ELAPOR1: variants seen among roughly 807,000 people sequenced by gnomAD.
ELAPOR1 encodes endosome/lysosome-associated apoptosis and autophagy regulator 1.
A neutral mutation model predicts 119.7 loss-of-function variants in ELAPOR1; 77 were observed. That is an observed-to-expected ratio of 0.64 (90% CI 0.54 to 0.78). The LOEUF is 0.78. Ranked by LOEUF, ELAPOR1 falls within the 30% of genes least tolerant of loss-of-function variation. ELAPOR1 has a pLI of 0.00. For synonymous variants in ELAPOR1, 481 were observed against 487.2 expected (o/e 0.99, Z 0.17); for missense variants, 1,115 against 1,270.4 (o/e 0.88, Z 1.86).
chr1:109,166,662 T>C (rs1312919848), intron 3 of ELAPOR1, among the ~76,000 whole-genome samples: 3 of 152,114 alleles, frequency 2.0e-5, no homozygotes, highest in East Asian at 1.9e-4. Context: ...GCCGGCGAGA[T>C]TGAAATTCGA....
intron 1 of ELAPOR1, among the ~76,000 whole-genome samples, chr1:109,135,600 A>G (rs1570619938): frequency 6.6e-6 from 1 of 152,180 alleles, no homozygotes; most frequent in Admixed American, 6.5e-5. Context: ...TGCTGCCCCC[A>G]CAGGTCCTGA....
In ELAPOR1 at chr1:109,144,061, A is replaced by ATATATATATATATATT; in HGVS notation, c.154-17832_154-17831insATATATATATATATTT. 1.1e-4 allele frequency among the ~76,000 whole-genome samples: 10 copies of ATATATATATATATATT among 88,986 alleles called. 1 individual carries two copies. Among genetic ancestry groups the ATATATATATATATATT allele is most frequent in the African/African-American group, 1.9e-4 (4 of 20,742 alleles). The allele number at this position is 88,986 out of a possible 152,430, so 58.4% of individuals were successfully genotyped here. On this transcript the variant is annotated intron_variant, in intron 1 of 21. Coordinates refer to ENST00000369939, the MANE Select transcript of ELAPOR1 (RefSeq NM_020775.5). The stretch of plus-strand genomic sequence containing the variant: ...TATATATATATATATATATTTATAT[A>ATATATATATATATATT]TTTTTTTTTTTTTTTGAGATGGAGT...
intron 21 of ELAPOR1, 56 bp from the exon 22 acceptor site, chr1:109,202,888 T>G: frequency 6.4e-7 from 1 of 1,556,450 alleles, no homozygotes; most frequent in Non-Finnish European, 8.9e-7. Flanking sequence ...TTCTCTCCTT[T>G]GTCCCCAAAC....
In ELAPOR1 at chr1:109,146,142, T is replaced by C. The variant is rs1650161323; in HGVS notation, c.154-15752T>C. The stretch of plus-strand genomic sequence containing the variant: ...GCCTGGGCAACATGGCAAATCCCCA[T>C]TTCTACTAAAAATACACACACAAAA... On this transcript the variant is annotated intron_variant, in intron 1 of 21. Transcript: ENST00000369939. 2.0e-5 allele frequency among the ~76,000 whole-genome samples: 3 copies of C among 152,138 alleles called. No individual in the cohort carries two copies. The South Asian group carries it at 6.2e-4, about 32-fold the overall frequency.
In ELAPOR1 at chr1:109,197,611, C is replaced by T. The variant is rs547050373; in HGVS notation, c.2259C>T (p.Ala753=). Residue 753 remains alanine (A), a synonymous_variant, in exon 16 of 22, where the codon GCC becomes GCT. Coordinates refer to ENST00000369939, the MANE Select transcript of ELAPOR1 (RefSeq NM_020775.5). The part of the protein sequence containing the change: ...IIPPEVTGYK[A]GVSSQPVSLA... ...CCCCAGAGGTGACAGGCTACAAGGC[C>T]GGGGTTTCCTCACAGCCTGTCAGCC... The T allele has an allele frequency of 5.4e-5, 87 of 1,614,144 alleles. No homozygotes were observed. In the Middle Eastern group the frequency reaches 1.5e-3, roughly 28 times the overall value.
At chr1:109,154,174 G>A (rs537421008) in intron 1 of ELAPOR1, among the ~76,000 whole-genome samples, 180 of 151,328 alleles carry the variant, frequency 1.2e-3, no homozygotes, top group Non-Finnish European at 1.6e-3. Context: ...CCAGCTACTC[G>A]GGAGGTTGAG....
At chr1:109,121,215 C>T (rs750878723) in intron 1 of ELAPOR1, among the ~76,000 whole-genome samples, 14 of 152,102 alleles carry the variant, frequency 9.2e-5, no homozygotes, top group Admixed American at 1.3e-4. Context: ...GGCGTGATCT[C>T]GGCTCACTGC....
At chr1:109,191,509 G>C in intron 12 of ELAPOR1, 38 bp downstream of exon 12, 5 of 1,564,840 alleles carry the variant, frequency 3.2e-6, no homozygotes, top group Non-Finnish European at 4.4e-6. Flanking sequence ...AGGGCCTCCA[G>C]GGGAGGGTTA....
chr1:109,196,247 T>A (rs1653786700), intron 15 of ELAPOR1, among the ~76,000 whole-genome samples: 1 of 152,168 alleles, frequency 6.6e-6, no homozygotes, highest in Admixed American at 6.5e-5. Flanking sequence ...CTCTGACCCA[T>A]CTTCTGCAGC....
At chr1:109,153,777 C>G (rs1475119848) in intron 1 of ELAPOR1, among the ~76,000 whole-genome samples, 1 of 151,916 alleles carries the variant, frequency 6.6e-6, no homozygotes, top group Non-Finnish European at 1.5e-5. Context: ...TGCCTGCCAC[C>G]ATGCCAGGCT....
At chr1:109,182,683 C>T (rs998652705) in intron 7 of ELAPOR1, among the ~76,000 whole-genome samples, 2 of 151,822 alleles carry the variant, frequency 1.3e-5, no homozygotes, top group East Asian at 1.9e-4. Flanking sequence ...CTGGCTAACA[C>T]GGTGAAACCC....
chr1:109,204,347 C>CCTAT lies in ELAPOR1; in HGVS notation c.*1338_*1341dup, dbSNP rs1207526270. Reference sequence around the variant, plus strand: ...CCAAAGCCCTGGTGGATACATCCTCCCTATCTTTTTTTTAAACCTTCCACT... The same window carrying CCTAT: ...CCAAAGCCCTGGTGGATACATCCTCCCTATCTATCTTTTTTTTAAACCTTCCACT... On this transcript the variant is annotated 3_prime_UTR_variant, in exon 22 of 22. Transcript: ENST00000369939. 6.6e-6 allele frequency: 1 copy of CCTAT among 152,196 alleles called. No individual in the cohort carries two copies. Among genetic ancestry groups the CCTAT allele is most frequent in the Non-Finnish European group, 1.5e-5 (1 of 68,054 alleles). 9.4% of individuals were successfully genotyped at this position (152,196 alleles called of 1,614,324 possible).
chr1:109,172,099 C>G, intron 4 of ELAPOR1, 86 bp downstream of exon 4: 1 of 1,472,644 alleles, frequency 6.8e-7, no homozygotes, highest in Non-Finnish European at 9.5e-7. Context: ...ATGAGTGTAG[C>G]CCTGCTTGGG....
intron 1 of ELAPOR1, among the ~76,000 whole-genome samples, chr1:109,135,305 G>A (rs992048025): frequency 3.9e-5 from 6 of 151,958 alleles, no homozygotes; most frequent in African/African-American, 9.7e-5. Context: ...GTGAAGTTGC[G>A]GGATCTCGGC....
At chr1:109,192,510 T>A (rs959260242) in intron 13 of ELAPOR1, 101 bp from the exon 14 acceptor site, 2 of 1,240,058 alleles carry the variant, frequency 1.6e-6, no homozygotes, top group African/African-American at 1.5e-5. Flanking sequence ...TTCTTAAGTA[T>A]CACAGGATAG....
intron 1 of ELAPOR1, among the ~76,000 whole-genome samples, chr1:109,154,996 G>T (rs1570652084): frequency 6.6e-6 from 1 of 152,058 alleles, no homozygotes; most frequent in Non-Finnish European, 1.5e-5. Context: ...ACCTCTTTGG[G>T]ATGTGTGTTT....
At chr1:109,120,731 T>A (rs1457155074) in intron 1 of ELAPOR1, among the ~76,000 whole-genome samples, 1 of 151,998 alleles carries the variant, frequency 6.6e-6, no homozygotes, top group Non-Finnish European at 1.5e-5. Context: ...CTCTTGGGGG[T>A]CGTGTTTACC....
chr1:109,182,888 C>A (rs2101087565), intron 7 of ELAPOR1, among the ~76,000 whole-genome samples: 1 of 135,486 alleles, frequency 7.4e-6, no homozygotes, highest in Non-Finnish European at 1.6e-5. Context: ...AAAAAAAAAT[C>A]TCATTCCACT....
At chr1:109,160,393 T>C (rs1467858321) in intron 1 of ELAPOR1, among the ~76,000 whole-genome samples, 1 of 152,136 alleles carries the variant, frequency 6.6e-6, no homozygotes, top group Admixed American at 6.5e-5. Context: ...ATTTTTTTAA[T>C]GTGTCATCAA....
Sources: allele counts gnomAD v4.1 joint callset (sites outside exome capture counted in the v4.1 genomes callset), GRCh38; gene constraint gnomAD v4.1.1; transcripts MANE v1.5; gene names NCBI Gene and HGNC (gene_info 2026-07-23, HGNC 2026-07-21).